Variants in PDLIM2 observed in about 807,000 individuals in gnomAD.
PDLIM2 encodes the protein PDZ and LIM domain 2.
Under a neutral mutation model 54.1 loss-of-function variants are expected in PDLIM2, and 51 were observed. That is an observed-to-expected ratio of 0.94 (90% confidence interval 0.75 to 1.19). PDLIM2 has a LOEUF of 1.19. PDLIM2 is among the 50% of genes most tolerant of loss of function. The pLI is 0.00. For synonymous variants in PDLIM2, 398 were observed against 385.6 expected (o/e 1.03, Z -0.38); for missense variants, 912 against 874.0 (o/e 1.04, Z -0.55).
intron 6 of PDLIM2, 168 bp from the exon 6 acceptor site, chr8:22,589,130 T>C (rs539860620): frequency 5.5e-6 from 3 of 544,138 alleles, no homozygotes; most frequent in South Asian, 2.0e-5. Flanking sequence ...CGGCGAGGGC[T>C]GGGAGCCCCC....
chr8:22,581,593 G>A (rs1800208790), intron 3 of PDLIM2, 63 bp downstream of exon 2: 2 of 1,507,510 alleles, frequency 1.3e-6, no homozygotes, highest in East Asian at 2.3e-5. Context: ...CACGTATTGA[G>A]CAGCCCTTGC....
chr8:22,582,423 C>T (rs1200318918), intron 3 of PDLIM2, among the ~76,000 whole-genome samples: 1 of 152,012 alleles, frequency 6.6e-6, no homozygotes, highest in Non-Finnish European at 1.5e-5. Flanking sequence ...CAGAAAGCTA[C>T]AGGAGGCTGA....
intron 8 of PDLIM2, chr8:22,590,202 G>C (rs1241387738): frequency 1.8e-5 from 3 of 167,182 alleles, no homozygotes; most frequent in Admixed American, 5.9e-5. Context: ...GGGCCTGATA[G>C]CATGAAAGGG....
intron 1 of PDLIM2, chr8:22,579,917 A>C: frequency 5.2e-6 from 1 of 192,088 alleles, no homozygotes. Flanking sequence ...AGCTTGACAG[A>C]TGAACCCTGG....
chr8:22,591,998 T>G, intron 9 of PDLIM2: 1 of 201,306 alleles, frequency 5.0e-6, no homozygotes, highest in Non-Finnish European at 9.9e-6. Flanking sequence ...TTCCCCTTCT[T>G]CCCCCTTTGG....
At chr8:22,582,643 G>A (rs1411911310) in intron 3 of PDLIM2, among the ~76,000 whole-genome samples, 4 of 149,150 alleles carry the variant, frequency 2.7e-5, no homozygotes, top group Admixed American at 6.7e-5. Context: ...GTGCAGTAGC[G>A]TGATCTCGGC....
chr8:22,585,028 G>A, exon 5 of PDLIM2: 2 of 1,613,962 alleles, frequency 1.2e-6, no homozygotes, highest in Non-Finnish European at 1.7e-6. Flanking sequence ...GCTCCGTGAG[G>A]ACATACACTG....
chr8:22,593,596 A>C, intron 9 of PDLIM2, 137 bp from the exon 9 acceptor site: 1 of 604,240 alleles, frequency 1.7e-6, no homozygotes, highest in South Asian at 2.5e-5. Context: ...AAAAAAAAAA[A>C]AAAAAAAGTC....
chr8:22,579,485 C>CCCCGCGGCG, exon 1 of PDLIM2: 9 of 1,511,378 alleles, frequency 6.0e-6, no homozygotes, highest in Non-Finnish European at 7.9e-6. Context: ...CTGGGCACCT[C>CCCCGCGGCG]CCCGCGGCGC....
downstream of PDLIM2, chr8:22,594,443 T>G: frequency 1.9e-6 from 3 of 1,604,824 alleles, no homozygotes; most frequent in Non-Finnish European, 2.6e-6. Flanking sequence ...TGCCTGCACC[T>G]GACATTTCCC....
chr8:22,585,265 C>G (rs1800341605), intron 5 of PDLIM2, 56 bp from the exon 5 acceptor site: 3 of 1,600,832 alleles, frequency 1.9e-6, no homozygotes, highest in Non-Finnish European at 2.6e-6. Flanking sequence ...GGGCAGCATC[C>G]TCCCTGGGCA....
chr8:22,580,241 A>T, intron 1 of PDLIM2: 1 of 346,142 alleles, frequency 2.9e-6, no homozygotes, highest in African/African-American at 2.1e-5. Flanking sequence ...CTGAGCCCTG[A>T]TGGTGGAGGA....
intron 3 of PDLIM2, among the ~76,000 whole-genome samples, chr8:22,583,595 G>A (rs555070239): frequency 8.0e-4 from 122 of 152,012 alleles, no homozygotes; most frequent in Admixed American, 2.4e-3. Context: ...GCGAAACCCC[G>A]TCTCTACTGA....
chr8:22,594,463 C>G, downstream of PDLIM2: 4 of 1,611,114 alleles, frequency 2.5e-6, no homozygotes, highest in Non-Finnish European at 3.4e-6. Flanking sequence ...CATGGAAGGG[C>G]CTTGCCTCTT....
chr8:22,587,366 CTT>C (rs1563868578), intron 6 of PDLIM2, among the ~76,000 whole-genome samples: 1 of 152,140 alleles, frequency 6.6e-6, no homozygotes, highest in East Asian at 1.9e-4. Flanking sequence ...ACCCCCATCT[CTT>C]TAAAAAAAAT....
At chr8:22,584,089 C>A (rs1203092365) in intron 3 of PDLIM2, among the ~76,000 whole-genome samples, 1 of 151,862 alleles carries the variant, frequency 6.6e-6, no homozygotes, top group Non-Finnish European at 1.5e-5. Context: ...GTAACCTCTG[C>A]CTCCCTGGGT....
chr8:22,586,423 T>G (rs774757155), intron 6 of PDLIM2, among the ~76,000 whole-genome samples: 1 of 152,188 alleles, frequency 6.6e-6, no homozygotes, highest in Non-Finnish European at 1.5e-5. Flanking sequence ...AGTGTGGTAT[T>G]AATTACAAAA....
chr8:22,589,165 G>T, intron 6 of PDLIM2, 133 bp from the exon 6 acceptor site: 12 of 837,632 alleles, frequency 1.4e-5, no homozygotes, highest in South Asian at 3.1e-5. Flanking sequence ...AAGGGAAGGG[G>T]CAGGGGTCCG....
intron 6 of PDLIM2, among the ~76,000 whole-genome samples, chr8:22,587,254 T>C (rs1800405253): frequency 1.3e-5 from 2 of 152,130 alleles, no homozygotes; most frequent in South Asian, 4.1e-4. Flanking sequence ...ACTGTGTAGC[T>C]GGGTGCTGTG....
Sources: allele counts gnomAD v4.1 joint callset (sites outside exome capture counted in the v4.1 genomes callset), GRCh38; gene constraint gnomAD v4.1.1; transcripts MANE v1.5; gene names NCBI Gene and HGNC (gene_info 2026-07-23, HGNC 2026-07-21).